Variants in AGBL3 observed in about 807,000 individuals in gnomAD.
AGBL3 encodes AGBL carboxypeptidase 3.
AGBL3 carries 68 observed loss-of-function variants against 94.5 expected under a neutral mutation model. The observed-to-expected ratio is 0.72, with a 90% CI of 0.59 to 0.88. The LOEUF is 0.88. AGBL3 is among the 40% of genes least tolerant of loss of function. The pLI is 0.00. For missense variants in AGBL3, 934 were observed against 1,103.8 expected, an observed-to-expected ratio of 0.85 and a Z score of 2.18; for synonymous variants, 354 against 370.7, an observed-to-expected ratio of 0.95 and a Z score of 0.52.
intron 4 of AGBL3, among the ~76,000 whole-genome samples, chr7:135,013,973 T>C (rs111990384): frequency 2.0e-5 from 3 of 152,168 alleles, no homozygotes; most frequent in African/African-American, 2.4e-5. Context: ...GGCGGGTGGA[T>C]TGCCTGAGCT....
chr7:135,127,256 A>G (rs1331307356), intron 16 of AGBL3, among the ~76,000 whole-genome samples: 1 of 152,220 alleles, frequency 6.6e-6, no homozygotes, highest in Non-Finnish European at 1.5e-5. Flanking sequence ...GCCAACAAGC[A>G]TATGTAAAAA....
chr7:134,989,486 G>C (rs2718152), intron 3 of AGBL3, among the ~76,000 whole-genome samples, 176 bp downstream of exon 3: 3 of 152,062 alleles, frequency 2.0e-5, no homozygotes, highest in African/African-American at 7.3e-5. Context: ...TTTTAGGTAA[G>C]CCTATTTTAT....
At chr7:135,018,416 C>G (rs28699339) in intron 5 of AGBL3, among the ~76,000 whole-genome samples, 12,242 of 152,260 alleles carry the variant, frequency 0.08, 550 homozygotes, top group Middle Eastern at 0.2. Flanking sequence ...CTGGGGCAGT[C>G]AATACAGATC....
chr7:135,068,858 G>A (rs1350159136), intron 12 of AGBL3, among the ~76,000 whole-genome samples: 2 of 152,120 alleles, frequency 1.3e-5, no homozygotes, highest in African/African-American at 2.4e-5. Context: ...CTAACATCAC[G>A]ACAGGATCAA....
At chr7:135,129,175 T>C in intron 16 of AGBL3, 1 of 1,437,764 alleles carries the variant, frequency 7.0e-7, no homozygotes, top group South Asian at 1.1e-5. Context: ...TTGGACCTGA[T>C]GGCAGATGTG....
intron 7 of AGBL3, among the ~76,000 whole-genome samples, chr7:135,036,360 T>C (rs1417150214): frequency 7.8e-5 from 1 of 12,754 alleles, no homozygotes; most frequent in Non-Finnish European, 4.8e-3. Flanking sequence ...TTCAGGAATG[T>C]GTAATTTTTT....
At chr7:135,007,347 G>A (rs1180321465) in intron 4 of AGBL3, among the ~76,000 whole-genome samples, 1 of 151,924 alleles carries the variant, frequency 6.6e-6, no homozygotes, top group Non-Finnish European at 1.5e-5. Flanking sequence ...TCATGAACAA[G>A]TGGAATCTAT....
chr7:134,988,156 C>A, intron 2 of AGBL3, 160 bp downstream of exon 2: 1 of 564,416 alleles, frequency 1.8e-6, no homozygotes, highest in South Asian at 2.5e-5. Flanking sequence ...GCTAAGCTAT[C>A]ACTGGGAACA....
intron 8 of AGBL3, among the ~76,000 whole-genome samples, chr7:135,040,530 C>T (rs137977987): frequency 1.3e-5 from 2 of 151,074 alleles, no homozygotes; most frequent in East Asian, 1.9e-4. Context: ...TGTGTGATCT[C>T]GTCAATTGAT....
At chr7:135,003,237 A>G (rs1429003340) in intron 4 of AGBL3, among the ~76,000 whole-genome samples, 1 of 152,162 alleles carries the variant, frequency 6.6e-6, no homozygotes, top group African/African-American at 2.4e-5. Flanking sequence ...AACAAAATTT[A>G]TTAAATGAAT....
rs541084151 is a variant in AGBL3, at chr7:134,993,631, G to C, written c.263G>C (p.Arg88Pro). The change falls in exon 4 of 17, where the codon CGG becomes CCG. Residue 88 changes from arginine (R) to proline (P), a missense_variant. Physicochemically the swap from Arg to Pro is moderately radical, Grantham distance 103. Around this residue, in one of 3 missense-constraint regions of AGBL3, gnomAD observed 488 missense variants for 563.6 expected, o/e 0.87. Coordinates refer to ENST00000436302, the MANE Select transcript of AGBL3 (RefSeq NM_178563.4). ...TCTTCTGGTCCATTGAGCCCAACAC[G>C]GTGGCCATACCATTGTGAAGTCATC... The part of the protein sequence containing the change: ...VSSSGPLSPT[R>P]WPYHCEVIDE... 1.3e-6 allele frequency: 2 copies of C among 1,551,810 alleles called. No individual in the cohort carries two copies. Among genetic ancestry groups the C allele is most frequent in the Non-Finnish European group, 1.7e-6 (2 of 1,146,974 alleles).
At chr7:135,116,399 A>C (rs1826316612) in intron 16 of AGBL3, among the ~76,000 whole-genome samples, 1 of 152,216 alleles carries the variant, frequency 6.6e-6, no homozygotes, top group African/African-American at 2.4e-5. Flanking sequence ...GAGTGCTTAC[A>C]TATCAACTGG....
At chr7:135,109,242 G>A (rs1023809466) in intron 15 of AGBL3, among the ~76,000 whole-genome samples, 1 of 152,192 alleles carries the variant, frequency 6.6e-6, no homozygotes, top group African/African-American at 2.4e-5. Context: ...TCATTTGAAG[G>A]ACATAAGACA....
chr7:135,025,969 CAGT>C (rs1236042365), intron 5 of AGBL3, among the ~76,000 whole-genome samples: 1 of 151,596 alleles, frequency 6.6e-6, no homozygotes, highest in African/African-American at 2.4e-5. Flanking sequence ...CACACAATAA[CAGT>C]AGGAGACTTT....
chr7:134,999,862 T>G (rs1157867417), intron 4 of AGBL3, among the ~76,000 whole-genome samples: 1 of 152,246 alleles, frequency 6.6e-6, no homozygotes, highest in Non-Finnish European at 1.5e-5. Context: ...TTCCATCATC[T>G]GATGTAGTAC....
chr7:135,090,505 T>A (rs1244283065), intron 15 of AGBL3, among the ~76,000 whole-genome samples: 1 of 152,084 alleles, frequency 6.6e-6, no homozygotes, highest in Non-Finnish European at 1.5e-5. Context: ...AGGGCACCGA[T>A]CCTCCAAGGG....
chr7:135,070,810 T>G (rs1187156202), intron 12 of AGBL3, among the ~76,000 whole-genome samples: 3 of 151,996 alleles, frequency 2.0e-5, no homozygotes, highest in Non-Finnish European at 4.4e-5. Flanking sequence ...CTTTGAAAAC[T>G]GGCACAAGAC....
chr7:135,084,794 GC>G (rs1433226677), intron 15 of AGBL3, among the ~76,000 whole-genome samples: 23 of 152,194 alleles, frequency 1.5e-4, no homozygotes, highest in African/African-American at 5.5e-4. Context: ...GAATAGTGCT[GC>G]AATGACCATG....
intron 12 of AGBL3, among the ~76,000 whole-genome samples, chr7:135,073,765 A>G (rs1196664510): frequency 6.6e-6 from 1 of 152,094 alleles, no homozygotes; most frequent in East Asian, 1.9e-4. Flanking sequence ...GGTAATTAGA[A>G]AGAAACTGAA....
Sources: gnomAD v4.1 joint callset for allele counts (sites outside exome capture counted in the v4.1 genomes callset) on GRCh38, gnomAD v4.1.1 for gene constraint, gnomAD v4.1.1 regional missense constraint, MANE v1.5 for transcripts, NCBI Gene and HGNC (gene_info 2026-07-23, HGNC 2026-07-21) for gene names.